ZNF469: variants seen among roughly 807,000 people sequenced by gnomAD.
ZNF469 encodes zinc finger protein 469.
A neutral mutation model predicts 1.0 loss-of-function variants in ZNF469; 1 was observed. The ratio of observed to expected loss-of-function variants is 1.00; its 90% CI spans 0.35 to 4.73. The LOEUF is 4.73. Ranked by LOEUF, ZNF469 falls within the 30% of genes most tolerant of loss-of-function variation. The probability of loss-of-function intolerance (pLI) is 0.16; values close to 1 mark genes in which losing one functional copy is unlikely to be tolerated. For missense variants in ZNF469, 6,100 were observed against 5,356.3 expected (o/e 1.14, Z -4.33); for synonymous variants, 2,703 against 2,363.4 (o/e 1.14, Z -4.17).
chr16:88,356,993 G>C, the ZNF469 span, among the ~76,000 whole-genome samples: 1 of 152,270 alleles, frequency 6.6e-6, no homozygotes. Context: ...CACATGGTGG[G>C]TGCCCAGGCA....
At chr16:88,156,059 C>T in the ZNF469 span, among the ~76,000 whole-genome samples, 1 of 152,132 alleles carries the variant, frequency 6.6e-6, no homozygotes, top group South Asian at 2.1e-4. Context: ...TGGAAAAATG[C>T]CTGTTTAGTT....
the ZNF469 span, among the ~76,000 whole-genome samples, chr16:88,376,892 C>G: frequency 6.6e-6 from 1 of 152,342 alleles, no homozygotes; most frequent in South Asian, 2.1e-4. Flanking sequence ...GCCCAGACGC[C>G]AGGCCTCCTC....
chr16:88,260,122 C>T, the ZNF469 span, among the ~76,000 whole-genome samples: 7 of 151,082 alleles, frequency 4.6e-5, 1 homozygote, highest in African/African-American at 1.5e-4. This position sits in a 1 kb window ranked among gnomAD's most constrained non-coding sequence, Gnocchi z 4.1. Flanking sequence ...GGATTACAGG[C>T]GCACACCACC....
chr16:88,107,103 G>GTGCC, the ZNF469 span, among the ~76,000 whole-genome samples: 5 of 152,134 alleles, frequency 3.3e-5, no homozygotes, highest in African/African-American at 1.2e-4. Flanking sequence ...CGCACGGGAG[G>GTGCC]TGCCGTGACT....
the ZNF469 span, among the ~76,000 whole-genome samples, chr16:88,227,228 C>T: frequency 1.3e-5 from 2 of 152,298 alleles, no homozygotes; most frequent in African/African-American, 2.4e-5. Context: ...TACATAAGGG[C>T]GGGCACCTGA....
At chr16:88,132,936 C>T in the ZNF469 span, among the ~76,000 whole-genome samples, 1 of 152,260 alleles carries the variant, frequency 6.6e-6, no homozygotes, top group African/African-American at 2.4e-5. Context: ...CTGACCACCA[C>T]AGGTGAAGGG....
At chr16:88,249,423 CTTTTT>C in the ZNF469 span, among the ~76,000 whole-genome samples, 1 of 61,754 alleles carries the variant, frequency 1.6e-5, no homozygotes, top group African/African-American at 7.7e-5. Context: ...CTTTCTTTTT[CTTTTT>C]CTTTTTTTTT....
chr16:88,351,384 T>C, the ZNF469 span, among the ~76,000 whole-genome samples: 23 of 152,160 alleles, frequency 1.5e-4, no homozygotes, highest in African/African-American at 4.8e-4. Flanking sequence ...ACCCCAGCCA[T>C]GGGATGAGGA....
At chr16:88,253,228 T>A in the ZNF469 span, among the ~76,000 whole-genome samples, 2 of 152,212 alleles carry the variant, frequency 1.3e-5, no homozygotes, top group African/African-American at 4.8e-5. Context: ...TGTGCCTACC[T>A]AGGAATTGAA....
At chr16:88,120,454 G>A in the ZNF469 span, among the ~76,000 whole-genome samples, 1 of 152,268 alleles carries the variant, frequency 6.6e-6, no homozygotes, top group Non-Finnish European at 1.5e-5. Flanking sequence ...CGGAGATGGC[G>A]CGCCCCACCT....
At chr16:88,331,560 TCAC>T in the ZNF469 span, among the ~76,000 whole-genome samples, 1 of 145,326 alleles carries the variant, frequency 6.9e-6, no homozygotes, top group African/African-American at 2.6e-5. Context: ...ACCATCGTCA[TCAC>T]CATCACCACC....
the ZNF469 span, among the ~76,000 whole-genome samples, chr16:88,215,894 C>T: frequency 6.6e-6 from 1 of 152,144 alleles, no homozygotes; most frequent in Non-Finnish European, 1.5e-5. Context: ...ATACTTTAAA[C>T]CCCACAATCC....
chr16:88,426,644 G>A (rs868326733), intron 2 of ZNF469, among the ~76,000 whole-genome samples: 1 of 152,236 alleles, frequency 6.6e-6, no homozygotes, highest in Non-Finnish European at 1.5e-5. Context: ...AAGGCCTGGT[G>A]GCAGGGAGAC....
the ZNF469 span, among the ~76,000 whole-genome samples, chr16:88,257,651 ATT>A: frequency 6.6e-6 from 1 of 151,856 alleles, no homozygotes; most frequent in Non-Finnish European, 1.5e-5. Flanking sequence ...TTCATTTTTC[ATT>A]TAGGCCTGGG....
the ZNF469 span, among the ~76,000 whole-genome samples, chr16:88,207,678 T>G: frequency 6.6e-6 from 1 of 150,580 alleles, no homozygotes; most frequent in Non-Finnish European, 1.5e-5. Flanking sequence ...TGGGAGAGTC[T>G]CCCCGGCCCT....
At chr16:88,164,095 G>A in the ZNF469 span, among the ~76,000 whole-genome samples, 1,049 of 148,120 alleles carry the variant, frequency 7.1e-3, 6 homozygotes, top group African/African-American at 0.026. Flanking sequence ...GTGGATGAAC[G>A]GGGTCAGTGG....
the ZNF469 span, among the ~76,000 whole-genome samples, chr16:88,139,726 G>A: frequency 3.6e-3 from 540 of 151,950 alleles, 24 homozygotes; most frequent in East Asian, 0.089. Context: ...GACATGATGA[G>A]GAAAATTGCT....
At chr16:88,273,259 A>T in the ZNF469 span, among the ~76,000 whole-genome samples, 1 of 151,628 alleles carries the variant, frequency 6.6e-6, no homozygotes, top group Non-Finnish European at 1.5e-5. Flanking sequence ...GCTAGAAAAG[A>T]ATGACCTTCA....
rs554588038 is a variant in ZNF469, at chr16:88,438,340, C to T, written c.10870C>T (p.Arg3624Cys). Residue 3624 changes from arginine (R) to cysteine (C), a missense_variant, in exon 3 of 3, where the codon CGC becomes TGC. Coordinates refer to ENST00000565624, the MANE Select transcript of ZNF469 (RefSeq NM_001367624.2). Reference sequence around the variant, plus strand: ...GGCTCCTCTCGTGTTCTCAGGGAAACGCAGGGCCCCGGGTGCCCGTGGCAG... The same window carrying T: ...GGCTCCTCTCGTGTTCTCAGGGAAATGCAGGGCCCCGGGTGCCCGTGGCAG... ...KRAPLVFSGK[R>C]RAPGARGRCA... 1.5e-5 allele frequency: 23 copies of T among 1,550,204 alleles called. No homozygotes were observed. The South Asian group carries it at 1.9e-4, about 13-fold the overall frequency.
Sources: allele counts gnomAD v4.1 joint callset (sites outside exome capture counted in the v4.1 genomes callset), GRCh38; gene constraint gnomAD v4.1.1; non-coding constraint Gnocchi (gnomAD v3.1); transcripts MANE v1.5; gene names NCBI Gene and HGNC (gene_info 2026-07-23, HGNC 2026-07-21).